MED13L: variants seen among roughly 807,000 people sequenced by gnomAD.
The protein encoded by MED13L is mediator complex subunit 13L, also known as mediator of RNA polymerase II transcription subunit 13-like.
Under a neutral mutation model 220.9 loss-of-function variants are expected in MED13L, and 7 were observed. That is an observed-to-expected ratio of 0.03 (90% CI 0.02 to 0.06). The LOEUF is 0.06. Among genes scored for constraint, MED13L ranks in the 10% least tolerant of loss-of-function variants. The pLI, the probability that MED13L is intolerant of heterozygous loss-of-function variation, is 1.00. For synonymous variants in MED13L, 1,011 were observed against 1,015.2 expected, an observed-to-expected ratio of 1.00 and a Z score of 0.08; for missense variants, 1,965 against 2,760.5, an observed-to-expected ratio of 0.71 and a Z score of 6.46.
chr12:116,119,834 AAAAAAT>A (rs1240990994), intron 2 of MED13L, among the ~76,000 whole-genome samples: 18 of 94,938 alleles, frequency 1.9e-4, no homozygotes, highest in South Asian at 1.0e-3. Context: ...AAAAAAAAAA[AAAAAAT>A]ATATATATAT....
At chr12:116,119,269 CA>C (rs1874793509) in intron 2 of MED13L, among the ~76,000 whole-genome samples, 1 of 152,070 alleles carries the variant, frequency 6.6e-6, no homozygotes, top group Non-Finnish European at 1.5e-5. Context: ...AATCCAGGGA[CA>C]AAAAGAAAGC....
At chr12:116,237,403 G>A (rs1275604047) in intron 2 of MED13L, 65 bp downstream of exon 2, 1 of 1,277,130 alleles carries the variant, frequency 7.8e-7, no homozygotes, top group East Asian at 2.3e-5. Flanking sequence ...TAATCTGTTT[G>A]AAATTTATCA....
In MED13L at chr12:116,110,528, A is replaced by G. The variant is rs538943915; in HGVS notation, c.395+900T>C. Among the ~76,000 whole-genome samples, 12 of 152,340 alleles carry G rather than the reference A, an allele frequency of 7.9e-5. No individual in the cohort carries two copies. In the East Asian group the frequency reaches 2.1e-3, roughly 27 times the overall value. On this transcript the variant is annotated intron_variant, in intron 3 of 30. Coordinates refer to ENST00000281928, the MANE Select transcript of MED13L (RefSeq NM_015335.5). ...AATGATTTAAGCAAGGACTACCAAT[A>G]TAGTCTAAAACAAATAAATGAAAAT...
chr12:116,134,734 T>A (rs1268301226), intron 2 of MED13L, among the ~76,000 whole-genome samples: 1 of 152,150 alleles, frequency 6.6e-6, no homozygotes, highest in East Asian at 1.9e-4. Flanking sequence ...ATGTTAACCA[T>A]GTTATGCTAT....
intron 16 of MED13L, among the ~76,000 whole-genome samples, chr12:115,995,970 T>C (rs1003177083): frequency 6.6e-6 from 1 of 152,224 alleles, no homozygotes; most frequent in African/African-American, 2.4e-5. Context: ...AGGGACTGTC[T>C]GCATACAAAA....
At chr12:116,001,316 C>A (rs1878727989) in intron 14 of MED13L, among the ~76,000 whole-genome samples, 1 of 152,118 alleles carries the variant, frequency 6.6e-6, no homozygotes. Context: ...CCTGCCTCAG[C>A]CTCCCGAGTA....
At chr12:116,272,864 T>C (rs1873496780) in intron 1 of MED13L, among the ~76,000 whole-genome samples, 1 of 152,218 alleles carries the variant, frequency 6.6e-6, no homozygotes, top group South Asian at 2.1e-4. Context: ...TTAAAAATAT[T>C]TACTAGCAAT....
intron 3 of MED13L, among the ~76,000 whole-genome samples, chr12:116,108,393 G>GGC (rs1873780489): frequency 7.1e-6 from 1 of 140,358 alleles, no homozygotes; most frequent in Non-Finnish European, 1.6e-5. Flanking sequence ...AAAAGAAAGG[G>GGC]GGGGGGGGCG....
chr12:116,276,670 T>A, intron 1 of MED13L: 1 of 1,174,652 alleles, frequency 8.5e-7, no homozygotes. Flanking sequence ...AGGTTGCCGA[T>A]CGGAGGCGCG....
chr12:115,985,691 A>ATTT (rs1877641718), intron 19 of MED13L, among the ~76,000 whole-genome samples: 3 of 152,236 alleles, frequency 2.0e-5, no homozygotes, highest in African/African-American at 7.2e-5. Flanking sequence ...TATACTAAAG[A>ATTT]TGTAAAATTA....
chr12:116,229,519 T>G (rs1209255760), intron 2 of MED13L, among the ~76,000 whole-genome samples: 1 of 152,198 alleles, frequency 6.6e-6, no homozygotes, highest in Non-Finnish European at 1.5e-5. Flanking sequence ...TCAGTATGTC[T>G]CATTTTTCAT....
chr12:116,196,521 T>G (rs1199717644), intron 2 of MED13L, among the ~76,000 whole-genome samples: 1 of 152,148 alleles, frequency 6.6e-6, no homozygotes, highest in Non-Finnish European at 1.5e-5. Context: ...ATAAAACTTG[T>G]GATTGGGGTA....
intron 2 of MED13L, among the ~76,000 whole-genome samples, chr12:116,155,882 A>G (rs542925949): frequency 5.9e-5 from 9 of 152,304 alleles, no homozygotes; most frequent in Non-Finnish European, 1.0e-4. Context: ...AAATAATCAG[A>G]TACATAATTA....
chr12:116,229,075 C>A (rs1869289969), intron 2 of MED13L, among the ~76,000 whole-genome samples: 1 of 152,102 alleles, frequency 6.6e-6, no homozygotes, highest in African/African-American at 2.4e-5. Context: ...TCACACCAGG[C>A]CACAACAGCC....
At chr12:116,172,817 CAAGCA>C (rs1879775671) in intron 2 of MED13L, among the ~76,000 whole-genome samples, 1 of 150,540 alleles carries the variant, frequency 6.6e-6, no homozygotes, top group Non-Finnish European at 1.5e-5. Context: ...CTGGTTGGTA[CAAGCA>C]AAGTCCTCAA....
chr12:116,028,824 T>C lies in MED13L; in HGVS notation c.480-6223A>G, dbSNP rs1449139637. On this transcript the variant is annotated intron_variant, in intron 4 of 30. Coordinates refer to ENST00000281928, the MANE Select transcript of MED13L (RefSeq NM_015335.5). ...TCCACTCTTTACTCAGTGAATCAGGTCTGATTCAAGTAATTCTTTGTTTAA... is the reference window on the plus strand; with the variant it reads ...TCCACTCTTTACTCAGTGAATCAGGCCTGATTCAAGTAATTCTTTGTTTAA... 8.5e-5 allele frequency among the ~76,000 whole-genome samples: 13 copies of C among 152,152 alleles called. No homozygotes were observed. The South Asian group carries it at 2.3e-3, about 27-fold the overall frequency.
chr12:115,990,044 A>G (rs1475010382), intron 17 of MED13L, among the ~76,000 whole-genome samples: 1 of 152,202 alleles, frequency 6.6e-6, no homozygotes, highest in East Asian at 1.9e-4. Flanking sequence ...GCATGCCTCT[A>G]AAGAGTCACT....
At chr12:116,018,455 C>T (rs1044688241) in intron 7 of MED13L, among the ~76,000 whole-genome samples, 4 of 152,156 alleles carry the variant, frequency 2.6e-5, no homozygotes, top group Admixed American at 1.3e-4. Flanking sequence ...GCTTTATTTA[C>T]TCTAATGTTC....
At position 116,005,881 on chromosome 12, in the gene MED13L, G is replaced by A. The variant is rs755338780; in HGVS notation, c.2457C>T (p.Asp819=). ...DLDNIFDNSD[D]DELGAVSPAL... ...ACGGCAAACTCACCCCAAGTTCGTCGTCATCAGAATTATCAAAGATGTTGT... is the reference window on the plus strand; with the variant it reads ...ACGGCAAACTCACCCCAAGTTCGTCATCATCAGAATTATCAAAGATGTTGT... Residue 819 remains aspartate, a synonymous_variant, in exon 13 of 31, where the codon GAC becomes GAT. Coordinates refer to ENST00000281928, the MANE Select transcript of MED13L (RefSeq NM_015335.5). The A allele has an allele frequency of 4.3e-6, 7 of 1,613,864 alleles. No homozygotes were observed. Among genetic ancestry groups the A allele is most frequent in the East Asian group, 2.2e-5 (1 of 44,878 alleles).
Sources: allele counts gnomAD v4.1 joint callset (sites outside exome capture counted in the v4.1 genomes callset), GRCh38; gene constraint gnomAD v4.1.1; transcripts MANE v1.5; gene names NCBI Gene and HGNC (gene_info 2026-07-23, HGNC 2026-07-21).